The following ABCB1 variants were observed in gnomAD, a reference collection of about 807,000 sequenced individuals.
The protein encoded by ABCB1 is ATP binding cassette subfamily B member 1.
A neutral mutation model predicts 142.0 loss-of-function variants in ABCB1; 69 were observed. The observed-to-expected ratio is 0.49, with a 90% CI of 0.40 to 0.59. The LOEUF is 0.59. Ranked by LOEUF, ABCB1 falls within the 20% of genes least tolerant of loss-of-function variation. The pLI is 0.00. For missense variants in ABCB1, 1,326 were observed against 1,554.7 expected, an observed-to-expected ratio of 0.85 and a Z score of 2.47; for synonymous variants, 532 against 539.2, an observed-to-expected ratio of 0.99 and a Z score of 0.18.
intron 3 of ABCB1, 141 bp from the exon 4 acceptor site, chr7:87,585,821 C>T: frequency 1.2e-6 from 1 of 803,710 alleles, no homozygotes; most frequent in Non-Finnish European, 2.0e-6. Flanking sequence ...CACCCTCTAC[C>T]TTTGCTAAAT....
chr7:87,521,785 T>A, intron 21 of ABCB1: 1 of 799,520 alleles, frequency 1.3e-6, no homozygotes, highest in Non-Finnish European at 2.2e-6. Context: ...GAAAAAGATA[T>A]TTGTTGGTGG....
intron 1 of ABCB1, among the ~76,000 whole-genome samples, chr7:87,666,919 T>C (rs1452316908): frequency 1.3e-5 from 2 of 152,112 alleles, no homozygotes; most frequent in African/African-American, 4.8e-5. Flanking sequence ...AGTCAGGTAA[T>C]GTGATGCCTC....
chr7:87,669,146 G>A (rs1825576054), intron 1 of ABCB1, among the ~76,000 whole-genome samples: 1 of 152,128 alleles, frequency 6.6e-6, no homozygotes, highest in South Asian at 2.1e-4. Flanking sequence ...CTTGCTTTAT[G>A]AATCTGGGTG....
At chr7:87,506,475 T>G (rs1334667228) in intron 26 of ABCB1, among the ~76,000 whole-genome samples, 2 of 152,184 alleles carry the variant, frequency 1.3e-5, no homozygotes, top group Admixed American at 6.5e-5. Flanking sequence ...AGGAAAGACA[T>G]TCTTGGGATA....
upstream of ABCB1, among the ~76,000 whole-genome samples, chr7:87,603,937 A>G (rs1249434619): frequency 6.6e-6 from 1 of 152,222 alleles, no homozygotes; most frequent in Non-Finnish European, 1.5e-5. Context: ...GAAACACCCT[A>G]AACATTCAAC....
At chr7:87,622,634 T>G (rs1416342987) in intron 1 of ABCB1, among the ~76,000 whole-genome samples, 1 of 152,216 alleles carries the variant, frequency 6.6e-6, no homozygotes, top group East Asian at 1.9e-4. Flanking sequence ...GTGTGTAAAA[T>G]CCTTCTTGAT....
intron 21 of ABCB1, among the ~76,000 whole-genome samples, chr7:87,530,849 G>GAA (rs756856076): frequency 1.7e-3 from 170 of 99,488 alleles, no homozygotes; most frequent in African/African-American, 6.8e-3. Flanking sequence ...AAGAAAGAAA[G>GAA]AAAGAAAGAA....
intron 1 of ABCB1, among the ~76,000 whole-genome samples, chr7:87,619,729 TAC>T (rs1183715792): frequency 2.7e-5 from 4 of 150,586 alleles, no homozygotes; most frequent in Admixed American, 6.6e-5. Flanking sequence ...TTTTTATATA[TAC>T]ACACACACAA....
chr7:87,633,733 C>A (rs1371125272), intron 1 of ABCB1, among the ~76,000 whole-genome samples: 1 of 151,926 alleles, frequency 6.6e-6, no homozygotes, highest in Non-Finnish European at 1.5e-5. Flanking sequence ...GAACTCTGAA[C>A]TTCTTAACAT....
chr7:87,506,902 G>A (rs986115705), intron 26 of ABCB1, among the ~76,000 whole-genome samples: 2 of 152,224 alleles, frequency 1.3e-5, no homozygotes, highest in African/African-American at 4.8e-5. Flanking sequence ...GCCAGATGAG[G>A]TTTTGGCAGA....
At position 87,503,491 on chromosome 7, in the gene ABCB1, A is replaced by T. The variant is rs1005795457; in HGVS notation, c.*752T>A. 10 of 152,206 alleles carry T rather than the reference A, an allele frequency of 6.6e-5. No individual in the cohort carries two copies. Among genetic ancestry groups the T allele is most frequent in the South Asian group, 2.1e-4 (1 of 4,834 alleles). 9.4% of individuals were successfully genotyped at this position (152,206 alleles called of 1,614,324 possible). A position where few individuals can be genotyped will look rare whatever the true frequency, so the allele number is the denominator to read the frequency against. ...TGTACTTTGGAAGTGTAAAAATCTT[A>T]AAAAATCCTTAAAGAACCCTTTATA... is the stretch of plus-strand genomic sequence containing the variant. On this transcript the variant is annotated 3_prime_UTR_variant, in exon 28 of 28. Coordinates refer to ENST00000622132, the MANE Select transcript of ABCB1 (RefSeq NM_001348946.2).
upstream of ABCB1, among the ~76,000 whole-genome samples, chr7:87,604,650 T>A (rs1819581556): frequency 6.6e-6 from 1 of 152,050 alleles, no homozygotes; most frequent in Admixed American, 6.6e-5. Flanking sequence ...ATTCCGAAGG[T>A]CAATAGGATC....
At chr7:87,579,283 C>T (rs1818407917) in intron 4 of ABCB1, among the ~76,000 whole-genome samples, 1 of 152,098 alleles carries the variant, frequency 6.6e-6, no homozygotes. Context: ...TGAAAGTGAG[C>T]ATCCTTGTCT....
intron 1 of ABCB1, among the ~76,000 whole-genome samples, chr7:87,617,042 G>T (rs1464299658): frequency 6.6e-6 from 1 of 152,126 alleles, no homozygotes; most frequent in Non-Finnish European, 1.5e-5. Context: ...AGTTGATTTG[G>T]GTTATATATT....
intron 3 of ABCB1, among the ~76,000 whole-genome samples, chr7:87,592,566 A>G (rs1819039177): frequency 6.6e-6 from 1 of 152,214 alleles, no homozygotes; most frequent in African/African-American, 2.4e-5. Context: ...CAGAGAGATA[A>G]CAGTTTAACC....
intron 1 of ABCB1, among the ~76,000 whole-genome samples, chr7:87,687,859 A>G (rs1827621514): frequency 6.6e-6 from 1 of 152,210 alleles, no homozygotes. Flanking sequence ...CATCTTTTGA[A>G]GTACAGTGTA....
intron 25 of ABCB1, among the ~76,000 whole-genome samples, chr7:87,513,703 C>T (rs1005461230): frequency 2.0e-5 from 3 of 152,180 alleles, no homozygotes; most frequent in Admixed American, 6.5e-5. Context: ...CTACTGTTCA[C>T]CCATATGCAA....
intron 1 of ABCB1, among the ~76,000 whole-genome samples, chr7:87,655,494 C>T (rs541483850): frequency 6.6e-6 from 1 of 152,150 alleles, no homozygotes; most frequent in East Asian, 1.9e-4. Flanking sequence ...TGCATGACTT[C>T]CTTATACATG....
intron 8 of ABCB1, among the ~76,000 whole-genome samples, chr7:87,559,094 G>A (rs1817438222): frequency 6.6e-6 from 1 of 151,948 alleles, no homozygotes; most frequent in African/African-American, 2.4e-5. Context: ...CCCATAAAAT[G>A]AACTCACAAC....
Sources: allele counts gnomAD v4.1 joint callset (sites outside exome capture counted in the v4.1 genomes callset), GRCh38; gene constraint gnomAD v4.1.1; transcripts MANE v1.5; gene names NCBI Gene and HGNC (gene_info 2026-07-23, HGNC 2026-07-21).